MYLIP: variants seen among roughly 807,000 people sequenced by gnomAD.
MYLIP encodes the protein E3 ubiquitin-protein ligase MYLIP.
A neutral mutation model predicts 45.8 loss-of-function variants in MYLIP; 26 were observed. The observed-to-expected ratio is 0.57, with a 90% CI of 0.42 to 0.79. The LOEUF is 0.79. Among genes scored for constraint, MYLIP ranks in the 30% least tolerant of loss-of-function variants. The pLI is 0.00. For synonymous variants in MYLIP, 213 were observed against 218.1 expected (o/e 0.98, Z 0.21); for missense variants, 494 against 555.6 (o/e 0.89, Z 1.11).
At chr6:16,156,949 C>T in the MYLIP span, among the ~76,000 whole-genome samples, 1 of 152,216 alleles carries the variant, frequency 6.6e-6, no homozygotes, top group Non-Finnish European at 1.5e-5. Flanking sequence ...CTGTGCAAAA[C>T]ACTCAGTAAC....
intron 2 of MYLIP, among the ~76,000 whole-genome samples, chr6:16,140,952 G>A (rs1037436310): frequency 1.3e-5 from 2 of 152,216 alleles, no homozygotes; most frequent in East Asian, 3.8e-4. Flanking sequence ...AAGTAGTATT[G>A]AGGAGGTACA....
rs903297233 is a variant in MYLIP, at chr6:16,129,705, C to G, written c.87+296C>G. On this transcript the variant is annotated intron_variant, in intron 1 of 6. Coordinates refer to ENST00000356840, the MANE Select transcript of MYLIP (RefSeq NM_013262.4). The surrounding 1 kb of genome is among the most constrained non-coding windows in gnomAD (Gnocchi z 5.1). The stretch of plus-strand genomic sequence containing the variant: ...TCATCCCCCCAACCCAGCACTTTCC[C>G]GGAAGAAGGCGGCTCCGCACACCTG... 1.3e-5 allele frequency among the ~76,000 whole-genome samples: 2 copies of G among 152,198 alleles called. No homozygotes were observed. The highest frequency in any genetic ancestry group is 1.3e-4 in the Admixed American group (2 of 15,282).
downstream of MYLIP, among the ~76,000 whole-genome samples, chr6:16,152,225 C>T (rs560642612): frequency 5.3e-5 from 8 of 152,288 alleles, no homozygotes; most frequent in African/African-American, 1.4e-4. Context: ...TGCTTTGATA[C>T]GTATGTGAAA....
At chr6:16,151,773 C>G (rs888798608), downstream of MYLIP, among the ~76,000 whole-genome samples, 1 of 152,192 alleles carries the variant, frequency 6.6e-6, no homozygotes, top group South Asian at 2.1e-4. Flanking sequence ...TTGAACAGAC[C>G]TGCCGGTTGC....
chr6:16,152,323 T>G (rs1030231172), downstream of MYLIP, among the ~76,000 whole-genome samples: 1 of 152,226 alleles, frequency 6.6e-6, no homozygotes. Flanking sequence ...AAGTGCACAT[T>G]ACATACCTAG....
chr6:16,130,479 T>A, intron 1 of MYLIP, 78 bp from the exon 2 acceptor site: 1 of 1,416,888 alleles, frequency 7.1e-7, no homozygotes, highest in South Asian at 1.3e-5. Context: ...GCACCAGCAA[T>A]CTTAGCCTCA....
At position 16,141,671 on chromosome 6, in the gene MYLIP, C is replaced by A. The variant is rs536856690; in HGVS notation, c.325C>A (p.Leu109Ile). 8 of 1,613,984 alleles carry A rather than the reference C, an allele frequency of 5.0e-6. No homozygotes were observed. In the African/African-American group the frequency reaches 1.1e-4, roughly 22 times the overall value. The change falls in exon 3 of 7, where the codon CTC becomes ATC. Residue 109 changes from leucine (L) to isoleucine (I), a missense_variant. Physicochemically the swap from Leu to Ile is conservative, Grantham distance 5. Transcript: ENST00000356840. ...CAAGGAGGCCCTCTTGGCAGGCCAC[C>A]TCTTGTGTTCCCCAGAGCAGGCAGT... ...HIKEALLAGH[L>I]LCSPEQAVEL...
Position 16,146,849 on chromosome 6 carries a change from C to A in MYLIP, c.*98C>A. The stretch of plus-strand genomic sequence containing the variant: ...GTGGAGAAAGTAATTATTCCAACAC[C>A]CATCTGCCATGCGATGTTAAAAAAA... On this transcript the variant is annotated 3_prime_UTR_variant, in exon 7 of 7. Coordinates refer to ENST00000356840, the MANE Select transcript of MYLIP (RefSeq NM_013262.4). 3 of 1,041,862 alleles carry A rather than the reference C, an allele frequency of 2.9e-6. No individual in the cohort carries two copies. Among genetic ancestry groups the A allele is most frequent in the Non-Finnish European group, 4.2e-6 (3 of 720,210 alleles). The allele number at this position is 1,041,862 out of a possible 1,614,324, so 64.5% of individuals were successfully genotyped here. A position where few individuals can be genotyped will look rare whatever the true frequency, so the allele number is the denominator to read the frequency against.
In MYLIP at chr6:16,130,651, G is replaced by T; in HGVS notation, c.182G>T (p.Arg61Leu). 1 of 1,614,166 alleles carries T rather than the reference G, an allele frequency of 6.2e-7. No individual in the cohort carries two copies. Among genetic ancestry groups the T allele is most frequent in the Non-Finnish European group, 8.5e-7 (1 of 1,180,028 alleles). ...GESLWLNLRN[R>L]ISQQMDGLAP... ...AGTTTATGGCTAAACCTGAGAAACC[G>T]GATCTCCCAGCAGATGGATGGGCTA... Residue 61 changes from arginine to leucine, a missense_variant, in exon 2 of 7, where the codon CGG becomes CTG. Physicochemically the swap from Arg to Leu is moderately radical, Grantham distance 102. Transcript: ENST00000356840.
intron 6 of MYLIP, among the ~76,000 whole-genome samples, 182 bp from the exon 7 acceptor site, chr6:16,146,480 G>GT (rs1196184895): frequency 2.0e-5 from 3 of 152,128 alleles, no homozygotes; most frequent in Admixed American, 1.3e-4. Context: ...TTAAGCCCTT[G>GT]TAAAGTATAA....
downstream of MYLIP, among the ~76,000 whole-genome samples, chr6:16,148,443 CTT>C (rs755832345): frequency 1.4e-4 from 15 of 106,744 alleles, no homozygotes; most frequent in Non-Finnish European, 1.4e-4. Flanking sequence ...AGAGTATAGT[CTT>C]TTTTTTTTTT....
intron 2 of MYLIP, among the ~76,000 whole-genome samples, chr6:16,135,748 C>CATATATATATATAT (rs765116596): frequency 0.035 from 3,873 of 112,128 alleles, 159 homozygotes; most frequent in Non-Finnish European, 0.048. Flanking sequence ...TGTGTGTATA[C>CATATATATATATAT]ATATATCTAT....
At chr6:16,157,429 T>C in the MYLIP span, among the ~76,000 whole-genome samples, 1 of 152,242 alleles carries the variant, frequency 6.6e-6, no homozygotes, top group Non-Finnish European at 1.5e-5. Flanking sequence ...TACATTTACT[T>C]ATGTATTTTT....
chr6:16,156,028 A>G, the MYLIP span, among the ~76,000 whole-genome samples: 1 of 152,162 alleles, frequency 6.6e-6, no homozygotes, highest in Non-Finnish European at 1.5e-5. Flanking sequence ...GATGAAGGGA[A>G]CCTGAAAAGG....
downstream of MYLIP, among the ~76,000 whole-genome samples, chr6:16,148,439 T>A (rs1031580560): frequency 1.3e-5 from 2 of 151,556 alleles, no homozygotes; most frequent in Middle Eastern, 3.4e-3. Context: ...CTTGAGAGTA[T>A]AGTCTTTTTT....
chr6:16,157,145 T>A, the MYLIP span, among the ~76,000 whole-genome samples: 2 of 152,248 alleles, frequency 1.3e-5, no homozygotes, highest in Non-Finnish European at 2.9e-5. Context: ...TCCTCACTCC[T>A]GGACCATTGC....
intron 2 of MYLIP, 64 bp downstream of exon 2, chr6:16,130,811 C>A: frequency 6.7e-7 from 1 of 1,483,184 alleles, no homozygotes; most frequent in Non-Finnish European, 9.1e-7. Flanking sequence ...AGGGCCGCTG[C>A]ACCTTCCCAG....
At chr6:16,133,438 T>C (rs919106877) in intron 2 of MYLIP, among the ~76,000 whole-genome samples, 8 of 152,228 alleles carry the variant, frequency 5.3e-5, no homozygotes, top group African/African-American at 1.9e-4. Flanking sequence ...GCTTTGCTCT[T>C]GAATATGAGC....
At chr6:16,161,306 G>T in the MYLIP span, 1 of 346,826 alleles carries the variant, frequency 2.9e-6, no homozygotes, top group Non-Finnish European at 5.8e-6. Flanking sequence ...TCTATTACTG[G>T]ACCTACAGCT....
Sources: allele counts gnomAD v4.1 joint callset (sites outside exome capture counted in the v4.1 genomes callset), GRCh38; gene constraint gnomAD v4.1.1; non-coding constraint Gnocchi (gnomAD v3.1); transcripts MANE v1.5; gene names NCBI Gene and HGNC (gene_info 2026-07-23, HGNC 2026-07-21).